RGS7BP: variants seen among roughly 807,000 people sequenced by gnomAD.
RGS7BP encodes regulator of G protein signaling 7 binding protein.
Under a neutral mutation model 31.3 loss-of-function variants are expected in RGS7BP, and 9 were observed. The observed-to-expected ratio is 0.29, with a 90% CI of 0.17 to 0.50. The LOEUF (loss-of-function observed/expected upper bound fraction) is 0.50, where lower values mean the gene tolerates loss of function less well. RGS7BP is among the 20% of genes least tolerant of loss of function. The pLI, the probability that RGS7BP is intolerant of heterozygous loss-of-function variation, is 0.98. For synonymous variants in RGS7BP, 115 were observed against 120.1 expected (o/e 0.96, Z 0.28); for missense variants, 274 against 322.0 (o/e 0.85, Z 1.14).
intron 2 of RGS7BP, among the ~76,000 whole-genome samples, chr5:64,512,186 C>T (rs1748855182): frequency 6.6e-6 from 1 of 152,184 alleles, no homozygotes; most frequent in Non-Finnish European, 1.5e-5. Context: ...TCTCACACTG[C>T]TGCTTTTGGT....
intron 2 of RGS7BP, among the ~76,000 whole-genome samples, chr5:64,541,288 T>C (rs1311984922): frequency 1.3e-5 from 2 of 152,122 alleles, no homozygotes; most frequent in Non-Finnish European, 2.9e-5. Flanking sequence ...ACTCACTCAT[T>C]ACCAAGGGGA....
intron 2 of RGS7BP, among the ~76,000 whole-genome samples, chr5:64,534,383 G>T (rs574884181): frequency 3.3e-4 from 51 of 152,288 alleles, no homozygotes; most frequent in African/African-American, 1.2e-3. Context: ...AGCCACTGGA[G>T]GATGAGATTT....
At chr5:64,553,137 T>C (rs944807484) in intron 2 of RGS7BP, among the ~76,000 whole-genome samples, 1 of 151,942 alleles carries the variant, frequency 6.6e-6, no homozygotes, top group African/African-American at 2.4e-5. Context: ...TTAGTGTAAC[T>C]TGAATCTGTA....
chr5:64,586,185 T>C (rs1742746461), intron 3 of RGS7BP, among the ~76,000 whole-genome samples: 1 of 152,132 alleles, frequency 6.6e-6, no homozygotes, highest in South Asian at 2.1e-4. Context: ...ATGCTGGGGA[T>C]GAAGAACTCA....
chr5:64,548,800 C>G (rs892073230), intron 2 of RGS7BP, among the ~76,000 whole-genome samples: 1 of 151,902 alleles, frequency 6.6e-6, no homozygotes, highest in Non-Finnish European at 1.5e-5. Flanking sequence ...AGCCACCACT[C>G]CTGGCCTTGT....
chr5:64,576,960 G>A (rs1344990233), intron 3 of RGS7BP, among the ~76,000 whole-genome samples: 1 of 152,212 alleles, frequency 6.6e-6, no homozygotes, highest in Non-Finnish European at 1.5e-5. Flanking sequence ...TTTAAATTCA[G>A]AGATAGAAAA....
chr5:64,592,735 C>G (rs1742953387), intron 3 of RGS7BP, among the ~76,000 whole-genome samples: 1 of 152,170 alleles, frequency 6.6e-6, no homozygotes, highest in African/African-American at 2.4e-5. Flanking sequence ...TTCCCCTCCT[C>G]CTCTGTGATG....
At chr5:64,561,876 T>TTTTTTTTTTTTTTTTGAGACG (rs1742064615) in intron 2 of RGS7BP, among the ~76,000 whole-genome samples, 1 of 152,172 alleles carries the variant, frequency 6.6e-6, no homozygotes, top group African/African-American at 2.4e-5. Flanking sequence ...TTTCCGTTCT[T>TTTTTTTTTTTTTTTTGAGACG]GAGCTAACCA....
chr5:64,603,613 G>A (rs1040581101), intron 5 of RGS7BP, among the ~76,000 whole-genome samples: 55 of 152,298 alleles, frequency 3.6e-4, no homozygotes, highest in African/African-American at 1.3e-3. Context: ...TGCAAAGAAG[G>A]AATGGCCAGT....
chr5:64,587,815 T>A (rs981718009), intron 3 of RGS7BP, among the ~76,000 whole-genome samples: 4 of 152,148 alleles, frequency 2.6e-5, no homozygotes, highest in African/African-American at 7.2e-5. Flanking sequence ...AGGTACCCAT[T>A]GGAGATGGCA....
intron 2 of RGS7BP, among the ~76,000 whole-genome samples, chr5:64,531,555 C>T (rs1749370743): frequency 6.6e-6 from 1 of 152,174 alleles, no homozygotes; most frequent in Non-Finnish European, 1.5e-5. Context: ...AAGGTCACAG[C>T]CATTCTAGGG....
chr5:64,557,294 G>T (rs1741950846), intron 2 of RGS7BP, among the ~76,000 whole-genome samples: 1 of 152,152 alleles, frequency 6.6e-6, no homozygotes, highest in Non-Finnish European at 1.5e-5. Flanking sequence ...AAGCAGATTT[G>T]TCCTGATGGG....
intron 2 of RGS7BP, among the ~76,000 whole-genome samples, chr5:64,575,280 G>A (rs1742389197): frequency 6.6e-6 from 1 of 152,050 alleles, no homozygotes; most frequent in South Asian, 2.1e-4. Context: ...AATAAAGGAA[G>A]AATCTTTAGA....
intron 2 of RGS7BP, among the ~76,000 whole-genome samples, chr5:64,522,848 A>G (rs371743394): frequency 2.6e-5 from 4 of 152,162 alleles, no homozygotes; most frequent in African/African-American, 9.7e-5. Context: ...ATTTAGGTGT[A>G]ATCTTTCCAA....
At chr5:64,548,695 CG>C (rs909699039) in intron 2 of RGS7BP, among the ~76,000 whole-genome samples, 1 of 151,762 alleles carries the variant, frequency 6.6e-6, no homozygotes, top group Non-Finnish European at 1.5e-5. Flanking sequence ...TTAGTAGAGA[CG>C]GGGTTTCATC....
chr5:64,564,158 C>G (rs1417760108), intron 2 of RGS7BP, among the ~76,000 whole-genome samples: 1 of 152,158 alleles, frequency 6.6e-6, no homozygotes, highest in Non-Finnish European at 1.5e-5. Flanking sequence ...GTCATCTAGT[C>G]TACAATGCTA....
At chr5:64,583,355 C>T (rs1299653268) in intron 3 of RGS7BP, among the ~76,000 whole-genome samples, 1 of 152,136 alleles carries the variant, frequency 6.6e-6, no homozygotes. Context: ...CGCCACTGCA[C>T]TCCAGCCTGG....
rs141672869 is a variant in RGS7BP at position 64,570,794 on chromosome 5, C to T, written c.333-4980C>T. Among the ~76,000 whole-genome samples, 402 of 152,204 alleles carry T rather than the reference C, an allele frequency of 2.6e-3. 1 individual carries two copies. The highest frequency in any genetic ancestry group is 8.9e-3 in the African/African-American group (371 of 41,558). On this transcript the variant is annotated intron_variant, in intron 2 of 5. Coordinates refer to ENST00000334025, the MANE Select transcript of RGS7BP (RefSeq NM_001029875.3). ...CCTAGATTCTACAATTAACATTTTA[C>T]GATATTTGCTTTATTACATATCTAC...
At chr5:64,550,121 G>A (rs1320265217) in intron 2 of RGS7BP, among the ~76,000 whole-genome samples, 4 of 152,128 alleles carry the variant, frequency 2.6e-5, no homozygotes, top group Admixed American at 2.6e-4. Flanking sequence ...AACTCTTCCA[G>A]CCTCTACCCA....
Sources: allele counts gnomAD v4.1 joint callset (sites outside exome capture counted in the v4.1 genomes callset), GRCh38; gene constraint gnomAD v4.1.1; transcripts MANE v1.5; gene names NCBI Gene and HGNC (gene_info 2026-07-23, HGNC 2026-07-21).